The following BEND2 variants were observed in gnomAD, a reference collection of about 807,000 sequenced individuals.
BEND2 encodes BEN domain-containing protein 2.
Under a neutral mutation model 43.8 loss-of-function variants are expected in BEND2, and 19 were observed. The observed-to-expected ratio is 0.43, with a 90% CI of 0.30 to 0.64. BEND2 has a LOEUF of 0.64. Among genes scored for constraint, BEND2 ranks in the 30% least tolerant of loss-of-function variants. The probability of loss-of-function intolerance (pLI) is 0.11; values close to 1 mark genes in which losing one functional copy is unlikely to be tolerated. For synonymous variants in BEND2, 226 were observed against 210.1 expected (o/e 1.08, Z -0.66); for missense variants, 544 against 574.0 (o/e 0.95, Z 0.53).
chrX:18,173,624 C>G (rs1421618654), intron 12 of BEND2, among the ~76,000 whole-genome samples: 1 of 111,477 alleles, frequency 9.0e-6, no homozygotes, highest in Admixed American at 9.6e-5. Flanking sequence ...AGCAGTTTAG[C>G]AGCGGGAGCA....
chrX:18,192,496 G>A (rs1039611722), intron 7 of BEND2, among the ~76,000 whole-genome samples: 2 of 111,930 alleles, frequency 1.8e-5, no homozygotes, highest in Non-Finnish European at 3.8e-5. Flanking sequence ...CATAATTGGC[G>A]AGAATGTAAA....
At chrX:18,165,922 T>C (rs183140913) in intron 13 of BEND2, among the ~76,000 whole-genome samples, 1 of 112,093 alleles carries the variant, frequency 8.9e-6, no homozygotes, top group Non-Finnish European at 1.9e-5. Flanking sequence ...CAGGTTAGCA[T>C]TAGTTAGCTA....
At chrX:18,184,439 A>C (rs953295619) in intron 8 of BEND2, among the ~76,000 whole-genome samples, 2 of 112,036 alleles carry the variant, frequency 1.8e-5, no homozygotes, top group African/African-American at 6.5e-5. Context: ...CAGAGATCAC[A>C]CCACTGCACT....
At chrX:18,179,185 T>G (rs1055147469) in intron 9 of BEND2, among the ~76,000 whole-genome samples, 36 of 95,503 alleles carry the variant, frequency 3.8e-4, no homozygotes, top group Non-Finnish European at 7.4e-4. Context: ...TTCTGTTTTT[T>G]TTTTTTTTTT....
chrX:18,178,197 C>T (rs1478244379), intron 9 of BEND2, among the ~76,000 whole-genome samples: 1 of 111,884 alleles, frequency 8.9e-6, no homozygotes, highest in Non-Finnish European at 1.9e-5. Context: ...ATGTTGAAAG[C>T]GTGGGTGGGG....
intron 10 of BEND2, 103 bp downstream of exon 10, chrX:18,177,466 T>C: frequency 2.3e-6 from 2 of 876,458 alleles, no homozygotes; most frequent in Non-Finnish European, 3.3e-6. Context: ...AGTTTTAAGA[T>C]TTACACAGAC....
intron 10 of BEND2, 75 bp from the exon 11 acceptor site, chrX:18,176,168 A>G (rs1416646084): frequency 2.0e-6 from 2 of 985,684 alleles, no homozygotes; most frequent in East Asian, 3.3e-5. Context: ...TTTTCTTTAA[A>G]CACTGACTTT....
At chrX:18,189,775 C>T (rs772586047) in intron 8 of BEND2, among the ~76,000 whole-genome samples, 23 of 110,865 alleles carry the variant, frequency 2.1e-4, no homozygotes, top group African/African-American at 9.8e-5. Flanking sequence ...CATATTAAAC[C>T]CTCAATGAAA....
In BEND2 at chrX:18,203,750, A is replaced by G. The variant is rs2147425447; in HGVS notation, c.658T>C (p.Tyr220His). ...GGAAATGAGCCACCTTGTGCGACAT[A>G]CTGCTGTAATGAACTTGAGGAGACA... is the stretch of plus-strand genomic sequence containing the variant. ...RIVSSSSLQQ[Y>H]VAQGGSFPCF... Residue 220 changes from tyrosine (Y) to histidine (H), a missense_variant, in exon 5 of 14, where the codon TAT (tyrosine) becomes CAT (histidine). Tyr to His is a moderately conservative substitution (Grantham distance 83). Coordinates refer to ENST00000380033, the MANE Select transcript of BEND2 (RefSeq NM_153346.5). 1.7e-6 allele frequency: 2 copies of G among 1,211,540 alleles called. No individual in the cohort carries two copies. The highest frequency in any genetic ancestry group is 5.9e-5 in the East Asian group (2 of 33,846).
At position 18,164,818 on chromosome X, in the gene BEND2, A is replaced by G; in HGVS notation, c.*191T>C. On this transcript the variant is annotated 3_prime_UTR_variant, in exon 14 of 14. Coordinates refer to ENST00000380033, the MANE Select transcript of BEND2 (RefSeq NM_153346.5). ...TCAGAGGTTGTCATCAAATCCACAG[A>G]TGAAACATTACGTATCTTCCTAATG... is the stretch of plus-strand genomic sequence containing the variant. The G allele has an allele frequency of 2.3e-6, 1 of 427,823 alleles. No individual in the cohort carries two copies. Among genetic ancestry groups the G allele is most frequent in the Non-Finnish European group, 3.9e-6 (1 of 257,221 alleles). 35.3% of individuals were successfully genotyped at this position (427,823 alleles called of 1,213,427 possible). A position where few individuals can be genotyped will look rare whatever the true frequency, so the allele number is the denominator to read the frequency against.
chrX:18,193,475 T>C (rs975082497), intron 7 of BEND2, among the ~76,000 whole-genome samples: 1 of 111,765 alleles, frequency 8.9e-6, no homozygotes, highest in Non-Finnish European at 1.9e-5. Flanking sequence ...CACAAACAAA[T>C]TAATACAATT....
At chrX:18,205,152 A>G (rs1925290032) in intron 4 of BEND2, among the ~76,000 whole-genome samples, 1 of 111,389 alleles carries the variant, frequency 9.0e-6, no homozygotes, top group African/African-American at 3.3e-5. Context: ...GGGCAAAAAA[A>G]AAATACGCTT....
At chrX:18,185,598 G>C (rs1019689108) in intron 8 of BEND2, among the ~76,000 whole-genome samples, 10 of 106,985 alleles carry the variant, frequency 9.3e-5, no homozygotes, top group Non-Finnish European at 1.7e-4. Flanking sequence ...TCCAAACTTA[G>C]AGCAAGAATA....
At chrX:18,198,865 T>C (rs1444674009) in intron 6 of BEND2, among the ~76,000 whole-genome samples, 1 of 107,138 alleles carries the variant, frequency 9.3e-6, no homozygotes. Context: ...TGGAATACTA[T>C]GCAGCCATAA....
At chrX:18,198,316 T>G (rs1490713719) in intron 6 of BEND2, among the ~76,000 whole-genome samples, 5 of 110,097 alleles carry the variant, frequency 4.5e-5, no homozygotes, top group African/African-American at 1.3e-4. Context: ...GACAAAGGGC[T>G]AATATCCAGA....
Position 18,177,785 on chromosome X carries a change from G to C in BEND2, c.1430-16C>G. On this transcript the variant is annotated splice_polypyrimidine_tract_variant and intron_variant, in intron 9 of 13. Transcript: ENST00000380033. ...CCAAGATAGCCTTTAAAAATAAAGA[G>C]AAAAAGGAACATCCTTGGTTTTGTC... is the stretch of plus-strand genomic sequence containing the variant. 1 of 1,179,788 alleles carries C rather than the reference G, an allele frequency of 8.5e-7. No homozygotes were observed. The highest frequency in any genetic ancestry group is 1.2e-6 in the Non-Finnish European group (1 of 868,168).
At chrX:18,180,747 AAAG>A in intron 8 of BEND2, 97 bp from the exon 9 acceptor site, 1 of 652,019 alleles carries the variant, frequency 1.5e-6, no homozygotes, top group South Asian at 3.0e-5. Flanking sequence ...AGAAAACTAA[AAAG>A]ATTTGTTGCC....
chrX:18,167,655 C>T (rs967486544), intron 13 of BEND2, among the ~76,000 whole-genome samples: 15 of 111,630 alleles, frequency 1.3e-4, no homozygotes, highest in Non-Finnish European at 2.1e-4. Flanking sequence ...CCTCAACCTT[C>T]TAGGCTCAAG....
chrX:18,183,739 G>C lies in BEND2; in HGVS notation c.1289-3089C>G, dbSNP rs917248889. Among the ~76,000 whole-genome samples the C allele has an allele frequency of 8.0e-5, 9 of 112,005 alleles. No individual in the cohort carries two copies. The Admixed American group carries it at 8.5e-4, about 11-fold the overall frequency. Reference sequence around the variant, plus strand: ...GTGGTGGCCTGGAGGTACCCATTGTGGGCCTGCGGCAGTGGTGGCCACAAG... The same window carrying C: ...GTGGTGGCCTGGAGGTACCCATTGTCGGCCTGCGGCAGTGGTGGCCACAAG... On this transcript the variant is annotated intron_variant, in intron 8 of 13. Transcript: ENST00000380033.
Sources: allele counts gnomAD v4.1 joint callset (sites outside exome capture counted in the v4.1 genomes callset), GRCh38; gene constraint gnomAD v4.1.1; transcripts MANE v1.5; gene names NCBI Gene and HGNC (gene_info 2026-07-23, HGNC 2026-07-21).